The following UMAD1 variants were observed in gnomAD, a reference collection of about 807,000 sequenced individuals.
The protein encoded by UMAD1 is UBAP1-MVB12-associated (UMA)-domain containing protein 1.
In UMAD1, 8 loss-of-function variants were observed where a neutral mutation model predicts 6.1. The observed-to-expected ratio is 1.30, with a 90% CI of 0.76 to 2.35. UMAD1 has a LOEUF of 2.35. UMAD1 is among the 30% of genes most tolerant of loss of function. UMAD1 has a pLI of 0.00. For missense variants in UMAD1, 130 were observed against 78.4 expected, an observed-to-expected ratio of 1.66 and a Z score of -2.49; for synonymous variants, 56 against 31.4, an observed-to-expected ratio of 1.78 and a Z score of -2.61.
At chr7:7,806,420 T>A (rs1042947785) in intron 3 of UMAD1, among the ~76,000 whole-genome samples, 4 of 152,194 alleles carry the variant, frequency 2.6e-5, no homozygotes, top group Non-Finnish European at 5.9e-5. Context: ...TTCACTATAG[T>A]GCAGGTTTTT....
chr7:7,801,735 C>A lies in UMAD1; in HGVS notation c.148C>A (p.Pro50Thr), dbSNP rs201796360. The change falls in exon 3 of 4, where the codon CCT becomes ACT. Residue 50 changes from proline (P) to threonine (T), a missense_variant. Transcript: ENST00000682710. ...AACTTCGGACATAGAGGCCAACCAA[C>A]CTTTGGAGGTAAGTGAAACAGAGTA... ...GKTSDIEANQPLETNKENSSS... is the reference protein window; with the variant it reads ...GKTSDIEANQTLETNKENSSS... 2.2e-5 allele frequency: 16 copies of A among 717,938 alleles called. No homozygotes were observed. The highest frequency in any genetic ancestry group is 2.3e-4 in the Middle Eastern group (1 of 4,372). 44.5% of individuals were successfully genotyped at this position (717,938 alleles called of 1,614,324 possible). A position where few individuals can be genotyped will look rare whatever the true frequency, so the allele number is the denominator to read the frequency against.
intron 2 of UMAD1, among the ~76,000 whole-genome samples, chr7:7,753,910 G>T (rs73050030): frequency 0.14 from 20,714 of 152,142 alleles, 1,593 homozygotes; most frequent in Non-Finnish European, 0.16. Context: ...CGGGCCCGGT[G>T]TGGTGGCTCA....
intron 2 of UMAD1, among the ~76,000 whole-genome samples, chr7:7,765,528 T>G (rs536387916): frequency 2.0e-5 from 3 of 152,218 alleles, no homozygotes; most frequent in Non-Finnish European, 4.4e-5. Context: ...TTTTTAAAAT[T>G]GAAACTGTTT....
chr7:7,768,537 A>C (rs1415424331), intron 2 of UMAD1, among the ~76,000 whole-genome samples: 1 of 152,110 alleles, frequency 6.6e-6, no homozygotes, highest in East Asian at 1.9e-4. Context: ...CCGAGATTAA[A>C]CTGCCATCAG....
intron 2 of UMAD1, among the ~76,000 whole-genome samples, chr7:7,687,864 A>G (rs1758188962): frequency 6.6e-6 from 1 of 152,234 alleles, no homozygotes; most frequent in Non-Finnish European, 1.5e-5. Context: ...CAAATAACTA[A>G]GCTGTAAATT....
At chr7:7,662,057 C>G (rs186888965) in intron 1 of UMAD1, among the ~76,000 whole-genome samples, 71 of 152,294 alleles carry the variant, frequency 4.7e-4, no homozygotes, top group African/African-American at 1.5e-3. Flanking sequence ...CTTTGCTGAG[C>G]TGTGGAGGGC....
In UMAD1 at chr7:7,728,384, A is replaced by G. The variant is rs1270677612; in HGVS notation, c.82+54931A>G. Among the ~76,000 whole-genome samples, 3 of 152,210 alleles carry G rather than the reference A, an allele frequency of 2.0e-5. No individual in the cohort carries two copies. The East Asian group carries it at 5.8e-4, about 29-fold the overall frequency. On this transcript the variant is annotated intron_variant, in intron 2 of 3. Transcript: ENST00000682710. ...TCTCAGGCCGGGCACAGTGGCTCAC[A>G]CCTGTAATCCCAGCACTTTGGGAGG...
At chr7:7,768,529 G>A (rs1004593539) in intron 2 of UMAD1, among the ~76,000 whole-genome samples, 4 of 151,908 alleles carry the variant, frequency 2.6e-5, no homozygotes, top group Non-Finnish European at 4.4e-5. Context: ...CTCATCCTCC[G>A]AGATTAAACT....
chr7:7,641,478 T>A (rs1784972846), intron 1 of UMAD1: 1 of 152,258 alleles, frequency 6.6e-6, no homozygotes, highest in South Asian at 2.1e-4. Context: ...TGACTCTGAC[T>A]TTTGGCCATA....
At chr7:7,691,037 A>G (rs1455237629) in intron 2 of UMAD1, among the ~76,000 whole-genome samples, 1 of 152,174 alleles carries the variant, frequency 6.6e-6, no homozygotes, top group Non-Finnish European at 1.5e-5. Flanking sequence ...TCAGCATGGT[A>G]CAAACCTGTA....
chr7:7,685,801 A>C (rs1182033703), intron 2 of UMAD1: 2 of 152,210 alleles, frequency 1.3e-5, no homozygotes, highest in Non-Finnish European at 2.9e-5. Context: ...TTCTTCCTTC[A>C]TTATATCATG....
At chr7:7,740,451 C>G (rs888924572) in intron 2 of UMAD1, among the ~76,000 whole-genome samples, 3 of 152,198 alleles carry the variant, frequency 2.0e-5, no homozygotes, top group African/African-American at 7.2e-5. Flanking sequence ...CTTTATGCTA[C>G]TTTTTATGGT....
At chr7:7,673,711 C>T (rs78026790) in intron 2 of UMAD1, among the ~76,000 whole-genome samples, 7,860 of 88,412 alleles carry the variant, frequency 0.089, 688 homozygotes, top group African/African-American at 0.27. Flanking sequence ...TTTTCCCCCC[C>T]TTTTTTTTTT....
At chr7:7,682,457 G>A (rs1253518736) in intron 2 of UMAD1, among the ~76,000 whole-genome samples, 3 of 152,036 alleles carry the variant, frequency 2.0e-5, no homozygotes, top group Non-Finnish European at 4.4e-5. Flanking sequence ...AACTTTTAAA[G>A]GTAGTCTCTT....
chr7:7,857,962 C>G (rs1456487415), intron 3 of UMAD1, among the ~76,000 whole-genome samples: 8 of 152,262 alleles, frequency 5.3e-5, no homozygotes. Context: ...AGTGAAATGT[C>G]CTTATACTCT....
chr7:7,726,992 C>T (rs537777367), intron 2 of UMAD1, among the ~76,000 whole-genome samples: 1 of 152,320 alleles, frequency 6.6e-6, no homozygotes, highest in African/African-American at 2.4e-5. Context: ...GAAACTACAA[C>T]AGCCCACTCC....
intron 3 of UMAD1, among the ~76,000 whole-genome samples, chr7:7,812,498 A>G (rs1783039172): frequency 6.6e-6 from 1 of 152,264 alleles, no homozygotes; most frequent in Admixed American, 6.5e-5. Flanking sequence ...GATTGCAATT[A>G]GAATCTAAGA....
At chr7:7,875,736 T>G (rs1346608318) in intron 3 of UMAD1, among the ~76,000 whole-genome samples, 4 of 152,218 alleles carry the variant, frequency 2.6e-5, no homozygotes, top group Non-Finnish European at 5.9e-5. Context: ...AAATCTTTAT[T>G]GAGCAGTAGG....
chr7:7,753,099 T>C (rs1781708913), intron 2 of UMAD1, among the ~76,000 whole-genome samples: 1 of 152,192 alleles, frequency 6.6e-6, no homozygotes, highest in Non-Finnish European at 1.5e-5. Context: ...TCTTTATGTA[T>C]TTTTTAAAAT....
Sources: gnomAD v4.1 joint callset for allele counts (sites outside exome capture counted in the v4.1 genomes callset) on GRCh38, gnomAD v4.1.1 for gene constraint, MANE v1.5 for transcripts, NCBI Gene and HGNC (gene_info 2026-07-23, HGNC 2026-07-21) for gene names.